Variants in SIPA1L1 observed in about 807,000 individuals in gnomAD.
The protein encoded by SIPA1L1 is signal-induced proliferation-associated 1-like protein 1.
Under a neutral mutation model 162.7 loss-of-function variants are expected in SIPA1L1, and 26 were observed. The ratio of observed to expected loss-of-function variants is 0.16; its 90% confidence interval spans 0.12 to 0.22. SIPA1L1 has a LOEUF of 0.22. SIPA1L1 is among the 10% of genes least tolerant of loss of function. The probability of loss-of-function intolerance (pLI) is 1.00; values close to 1 mark genes in which losing one functional copy is unlikely to be tolerated. For synonymous variants in SIPA1L1, 829 were observed against 837.4 expected, an observed-to-expected ratio of 0.99 and a Z score of 0.17; for missense variants, 1,874 against 2,241.0, an observed-to-expected ratio of 0.84 and a Z score of 3.31.
intron 13 of SIPA1L1, among the ~76,000 whole-genome samples, chr14:71,697,666 C>T (rs2081750677): frequency 6.6e-6 from 1 of 152,232 alleles, no homozygotes; most frequent in Non-Finnish European, 1.5e-5. Flanking sequence ...CAAGTCAGAT[C>T]TGCCTCTTGG....
intron 2 of SIPA1L1, among the ~76,000 whole-genome samples, chr14:71,345,422 A>G (rs2036057712): frequency 6.6e-6 from 1 of 152,166 alleles, no homozygotes; most frequent in East Asian, 1.9e-4. Flanking sequence ...TAGACAAGTA[A>G]CAGAAAGTTA....
intron 2 of SIPA1L1, among the ~76,000 whole-genome samples, chr14:71,494,363 A>G (rs1053922395): frequency 6.6e-6 from 1 of 151,950 alleles, no homozygotes; most frequent in Non-Finnish European, 1.5e-5. Flanking sequence ...TTTTCTGTAT[A>G]TATTGATATA....
At chr14:71,706,839 G>A (rs933661501) in intron 16 of SIPA1L1, among the ~76,000 whole-genome samples, 3 of 152,024 alleles carry the variant, frequency 2.0e-5, no homozygotes, top group Admixed American at 1.3e-4. Context: ...TTTGAGACCA[G>A]CCTAGCCAAT....
At chr14:71,437,111 C>T (rs1340933272) in intron 2 of SIPA1L1, among the ~76,000 whole-genome samples, 2 of 151,942 alleles carry the variant, frequency 1.3e-5, no homozygotes, top group East Asian at 1.9e-4. Flanking sequence ...ATTGGGATTG[C>T]GTTAAATTTA....
chr14:71,702,611 T>C, intron 15 of SIPA1L1, 106 bp downstream of exon 15: 2 of 960,174 alleles, frequency 2.1e-6, no homozygotes, highest in Non-Finnish European at 3.1e-6. Flanking sequence ...CCCTAGTTAA[T>C]AAATATGAAT....
In SIPA1L1 at chr14:71,685,547, A is replaced by T; in HGVS notation, c.3290A>T (p.Lys1097Ile). The change falls in exon 13 of 24, where the codon AAA becomes ATA. Residue 1097 changes from lysine (K) to isoleucine (I), a missense_variant. Lys to Ile is a moderately radical substitution (Grantham distance 102). Transcript: ENST00000381232. The stretch of plus-strand genomic sequence containing the variant: ...ATGACCTCGCGGCTGAATGCTGGAA[A>T]AGGAGATGGGAAGATGCCTCCTCCA... ...SPMTSRLNAG[K>I]GDGKMPPPER... 1 of 1,614,210 alleles carries T rather than the reference A, an allele frequency of 6.2e-7. No individual in the cohort carries two copies. Among genetic ancestry groups the T allele is most frequent in the Non-Finnish European group, 8.5e-7 (1 of 1,180,038 alleles).
At chr14:71,629,371 A>G (rs1399748629) in intron 7 of SIPA1L1, among the ~76,000 whole-genome samples, 2 of 152,236 alleles carry the variant, frequency 1.3e-5, no homozygotes, top group African/African-American at 4.8e-5. Flanking sequence ...GCACTGAGAC[A>G]CAAAGACCAG....
intron 3 of SIPA1L1, among the ~76,000 whole-genome samples, chr14:71,515,760 C>T (rs1180697408): frequency 1.3e-5 from 2 of 152,116 alleles, no homozygotes; most frequent in Non-Finnish European, 2.9e-5. Context: ...GTCTCAGCCT[C>T]CCAAATAACT....
intron 13 of SIPA1L1, among the ~76,000 whole-genome samples, chr14:71,690,906 A>C (rs765990454): frequency 1.3e-5 from 2 of 152,206 alleles, no homozygotes; most frequent in African/African-American, 4.8e-5. Flanking sequence ...GAAAGGCATG[A>C]AAGTGTCTCA....
intron 5 of SIPA1L1, among the ~76,000 whole-genome samples, chr14:71,600,843 G>C (rs1313313967): frequency 6.6e-6 from 1 of 151,724 alleles, no homozygotes; most frequent in Non-Finnish European, 1.5e-5. Flanking sequence ...TTTTGTTTTT[G>C]TTTTTGTTTC....
At chr14:71,483,076 G>A (rs2048473776) in intron 2 of SIPA1L1, among the ~76,000 whole-genome samples, 2 of 152,286 alleles carry the variant, frequency 1.3e-5, no homozygotes, top group African/African-American at 4.8e-5. Flanking sequence ...TTTGATAAGA[G>A]ACTTCATACT....
At chr14:71,652,848 T>A (rs1211372659) in intron 8 of SIPA1L1, among the ~76,000 whole-genome samples, 3 of 152,180 alleles carry the variant, frequency 2.0e-5, no homozygotes, top group Non-Finnish European at 2.9e-5. Context: ...CCTTTTTAGG[T>A]TCACGCTGTC....
At chr14:71,712,078 T>TA (rs1244595512) in intron 17 of SIPA1L1, among the ~76,000 whole-genome samples, 4 of 152,176 alleles carry the variant, frequency 2.6e-5, no homozygotes, top group African/African-American at 9.7e-5. Flanking sequence ...CACAGCAAAT[T>TA]AGAGTGTTTG....
chr14:71,329,565 C>T (rs1052321908), intron 2 of SIPA1L1, among the ~76,000 whole-genome samples: 11 of 151,914 alleles, frequency 7.2e-5, no homozygotes, highest in East Asian at 1.9e-4. Flanking sequence ...CTCAGCCTCC[C>T]GAGTAGCTGG....
intron 2 of SIPA1L1, among the ~76,000 whole-genome samples, chr14:71,346,491 A>G (rs1002628985): frequency 6.6e-6 from 1 of 152,166 alleles, no homozygotes; most frequent in Non-Finnish European, 1.5e-5. Context: ...TGAAGCTCAG[A>G]GCAAAGATGG....
intron 4 of SIPA1L1, among the ~76,000 whole-genome samples, chr14:71,579,162 C>G (rs546946842): frequency 2.0e-5 from 3 of 152,278 alleles, no homozygotes; most frequent in African/African-American, 7.2e-5. Flanking sequence ...TATGATCTTT[C>G]TGTGCATAAG....
intron 5 of SIPA1L1, among the ~76,000 whole-genome samples, chr14:71,616,012 C>G (rs927586201): frequency 1.3e-5 from 2 of 151,986 alleles, no homozygotes; most frequent in African/African-American, 4.8e-5. Flanking sequence ...AACACATAAA[C>G]AACAACAAAA....
chr14:71,446,894 G>GTTTTTTTTTTTTTTTTTTTTTTT lies in SIPA1L1; in HGVS notation c.-464-65838_-464-65837insTTTTTTTTTTTTTTTTTTTTTTT, dbSNP rs765106790. Among the ~76,000 whole-genome samples the GTTTTTTTTTTTTTTTTTTTTTTT allele has an allele frequency of 2.1e-4, 18 of 87,404 alleles. 3 individuals are homozygous for GTTTTTTTTTTTTTTTTTTTTTTT. Among genetic ancestry groups the GTTTTTTTTTTTTTTTTTTTTTTT allele is most frequent in the African/African-American group, 4.8e-4 (11 of 23,000 alleles). The allele number at this position is 87,404 out of a possible 152,430, so 57.3% of individuals were successfully genotyped here. ...CTGCAAATAAAGAGAGATGGGCTCTGTTTTTTTTTTTGTTTTTTTTTTTTT... is the reference window on the plus strand; with the variant it reads ...CTGCAAATAAAGAGAGATGGGCTCTGTTTTTTTTTTTTTTTTTTTTTTTTTTTTTTTTTTGTTTTTTTTTTTTT... On this transcript the variant is annotated intron_variant, in intron 2 of 23. Transcript: ENST00000381232.
intron 2 of SIPA1L1, among the ~76,000 whole-genome samples, chr14:71,444,991 A>G (rs917014143): frequency 6.6e-6 from 1 of 152,200 alleles, no homozygotes; most frequent in Non-Finnish European, 1.5e-5. Context: ...AGGTGGTTCT[A>G]GGCTGAGCAA....
Sources: allele counts gnomAD v4.1 joint callset (sites outside exome capture counted in the v4.1 genomes callset), GRCh38; gene constraint gnomAD v4.1.1; transcripts MANE v1.5; gene names NCBI Gene and HGNC (gene_info 2026-07-23, HGNC 2026-07-21).